Variants in CDKL4 observed in about 807,000 individuals in gnomAD.
CDKL4 encodes the protein cyclin-dependent kinase-like 4.
CDKL4 carries 44 observed loss-of-function variants against 42.0 expected under a neutral mutation model. That is an observed-to-expected ratio of 1.05 (90% CI 0.82 to 1.35). The LOEUF is 1.35. CDKL4 is among the 40% of genes most tolerant of loss of function. The probability of loss-of-function intolerance (pLI) is 0.00; values close to 1 mark genes in which losing one functional copy is unlikely to be tolerated. For missense variants in CDKL4, 393 were observed against 369.9 expected, an observed-to-expected ratio of 1.06 and a Z score of -0.51; for synonymous variants, 120 against 121.6, an observed-to-expected ratio of 0.99 and a Z score of 0.09.
chr2:39,212,334 C>T (rs889821486), intron 4 of CDKL4, among the ~76,000 whole-genome samples: 1 of 150,414 alleles, frequency 6.6e-6, no homozygotes, highest in African/African-American at 2.4e-5. Context: ...CCTGGGTTCA[C>T]ACCATTCTCC....
chr2:39,176,129 A>T (rs1211660878), intron 9 of CDKL4, 33 bp from the exon 10 acceptor site: 2 of 452,962 alleles, frequency 4.4e-6, no homozygotes, highest in South Asian at 3.3e-5. Flanking sequence ...ATAAGAAAGC[A>T]AATTGAAAAC....
At chr2:39,240,315 A>G (rs889745833) in intron 1 of CDKL4, among the ~76,000 whole-genome samples, 8 of 149,370 alleles carry the variant, frequency 5.4e-5, no homozygotes, top group African/African-American at 2.0e-4. Flanking sequence ...AATCCCAGGT[A>G]CTCGGGAGGC....
intron 1 of CDKL4, among the ~76,000 whole-genome samples, chr2:39,237,392 T>C (rs1274684187): frequency 2.6e-5 from 4 of 152,220 alleles, no homozygotes; most frequent in Non-Finnish European, 1.5e-5. Context: ...CTCAAGGGCA[T>C]CTGTGAAAAA....
intron 1 of CDKL4, among the ~76,000 whole-genome samples, chr2:39,230,106 A>C (rs904087261): frequency 3.9e-5 from 6 of 152,260 alleles, no homozygotes; most frequent in Non-Finnish European, 8.8e-5. Flanking sequence ...CAGGCCAGGC[A>C]CAGTGGCTCA....
intron 3 of CDKL4, among the ~76,000 whole-genome samples, chr2:39,222,293 TTAA>T (rs1678420243): frequency 1.3e-5 from 2 of 152,046 alleles, no homozygotes; most frequent in Non-Finnish European, 2.9e-5. Flanking sequence ...ATTTCACATT[TTAA>T]AGATTATGAT....
At chr2:39,192,903 A>G (rs1469001094) in intron 5 of CDKL4, among the ~76,000 whole-genome samples, 1 of 152,056 alleles carries the variant, frequency 6.6e-6, no homozygotes, top group African/African-American at 2.4e-5. Flanking sequence ...AGGCAGGCGG[A>G]TCGTGTGAGC....
chr2:39,245,550 G>A (rs1288999158), upstream of CDKL4, among the ~76,000 whole-genome samples: 1 of 152,196 alleles, frequency 6.6e-6, no homozygotes. Flanking sequence ...CCTCGGGGCC[G>A]AGCCTGTAGC....
intron 5 of CDKL4, among the ~76,000 whole-genome samples, chr2:39,200,246 C>CA (rs1323585024): frequency 1.3e-5 from 2 of 151,638 alleles, no homozygotes; most frequent in Non-Finnish European, 2.9e-5. Flanking sequence ...ACAATAGCTG[C>CA]AAAAAAATAA....
intron 3 of CDKL4, among the ~76,000 whole-genome samples, chr2:39,215,376 C>T (rs760430941): frequency 6.6e-6 from 1 of 152,126 alleles, no homozygotes; most frequent in Non-Finnish European, 1.5e-5. Flanking sequence ...CAATGTATAT[C>T]ATGGTCTGTT....
intron 8 of CDKL4, among the ~76,000 whole-genome samples, chr2:39,182,177 G>A (rs925916494): frequency 6.6e-6 from 1 of 152,034 alleles, no homozygotes; most frequent in African/African-American, 2.4e-5. Context: ...GTTTTGTAGA[G>A]ACAGGGTCTG....
intron 3 of CDKL4, among the ~76,000 whole-genome samples, chr2:39,220,991 T>G (rs530240475): frequency 0.042 from 2,146 of 51,278 alleles, 88 homozygotes; most frequent in Non-Finnish European, 0.1. Flanking sequence ...TTTTTTTTTT[T>G]TTTTTTTTTG....
chr2:39,169,607 A>C, the CDKL4 span, among the ~76,000 whole-genome samples: 2 of 152,294 alleles, frequency 1.3e-5, no homozygotes, highest in Non-Finnish European at 2.9e-5. Flanking sequence ...TGAAAGGGAG[A>C]CTTAGAAATG....
intron 1 of CDKL4, among the ~76,000 whole-genome samples, chr2:39,232,861 C>A (rs529895532): frequency 6.6e-6 from 1 of 151,448 alleles, no homozygotes; most frequent in South Asian, 2.1e-4. Flanking sequence ...CTGGCTAACA[C>A]GATGAAATCC....
chr2:39,198,585 A>G (rs1362097386), intron 5 of CDKL4, among the ~76,000 whole-genome samples: 2 of 152,112 alleles, frequency 1.3e-5, no homozygotes, highest in Non-Finnish European at 2.9e-5. Context: ...AGACCATATA[A>G]TAGGCCACAA....
exon 9 of CDKL4, chr2:39,179,237 GGGC>G: frequency 6.2e-7 from 1 of 1,613,330 alleles, no homozygotes; most frequent in South Asian, 1.1e-5. Flanking sequence ...CTTTTAATTT[GGGC>G]CTCTTGAAAA....
chr2:39,244,605 A>G (rs1425693015), upstream of CDKL4, among the ~76,000 whole-genome samples: 1 of 151,728 alleles, frequency 6.6e-6, no homozygotes, highest in East Asian at 1.9e-4. Flanking sequence ...GACGAGTGCC[A>G]CCCCCTGCTC....
chr2:39,178,943 C>G (rs1675283230), intron 9 of CDKL4: 1 of 1,444,158 alleles, frequency 6.9e-7, no homozygotes, highest in South Asian at 1.5e-5. Flanking sequence ...TCAGAGCAGC[C>G]AAAGAGTTGC....
intron 5 of CDKL4, 43 bp from the exon 6 acceptor site, chr2:39,190,545 C>A: frequency 6.5e-7 from 1 of 1,546,014 alleles, no homozygotes. Context: ...ATTCTCCCAA[C>A]ATGTGAACTG....
chr2:39,174,060 CA>C (rs1237495103), downstream of CDKL4, among the ~76,000 whole-genome samples: 1 of 151,920 alleles, frequency 6.6e-6, no homozygotes, highest in Non-Finnish European at 1.5e-5. Context: ...CCTTACTTAA[CA>C]GGTTATATTT....
Sources: allele counts gnomAD v4.1 joint callset (sites outside exome capture counted in the v4.1 genomes callset), GRCh38; gene constraint gnomAD v4.1.1; transcripts MANE v1.5; gene names NCBI Gene and HGNC (gene_info 2026-07-23, HGNC 2026-07-21).